ABCB7: variants seen among roughly 807,000 people sequenced by gnomAD.
The protein encoded by ABCB7 is ATP binding cassette subfamily B member 7, also known as iron-sulfur clusters transporter ABCB7, mitochondrial.
Under a neutral mutation model 54.4 loss-of-function variants are expected in ABCB7, and 7 were observed. The observed-to-expected ratio is 0.13, with a 90% CI of 0.07 to 0.24. ABCB7 has a LOEUF of 0.24. ABCB7 is among the 10% of genes least tolerant of loss of function. The pLI, the probability that ABCB7 is intolerant of heterozygous loss-of-function variation, is 1.00. For missense variants in ABCB7, 356 were observed against 570.4 expected (o/e 0.62, Z 3.83); for synonymous variants, 218 against 207.1 (o/e 1.05, Z -0.45).
At chrX:75,093,325 T>C (rs1290116776) in intron 4 of ABCB7, among the ~76,000 whole-genome samples, 2 of 111,624 alleles carry the variant, frequency 1.8e-5, no homozygotes, top group African/African-American at 6.5e-5. Context: ...CTGAAAAAGC[T>C]ACATACCATA....
chrX:75,124,549 A>C (rs754957902), intron 1 of ABCB7, among the ~76,000 whole-genome samples: 2 of 112,210 alleles, frequency 1.8e-5, no homozygotes, highest in South Asian at 7.4e-4. Flanking sequence ...CATTTGCCAA[A>C]ATCAGGGCAA....
intron 4 of ABCB7, 101 bp downstream of exon 4, chrX:75,098,841 G>T: frequency 9.1e-7 from 1 of 1,097,140 alleles, no homozygotes; most frequent in South Asian, 1.9e-5. Flanking sequence ...CTAAAAGTTG[G>T]TCATGCTACC....
At chrX:75,098,807 A>T (rs2081614316) in intron 4 of ABCB7, 135 bp downstream of exon 4, 2 of 758,881 alleles carry the variant, frequency 2.6e-6, no homozygotes, top group Middle Eastern at 3.0e-4. Flanking sequence ...TGCATAAAAT[A>T]ATTATGTAAA....
At position 75,065,012 on chromosome X, in the gene ABCB7, C is replaced by G. The variant is rs1353335511; in HGVS notation, c.1831+58G>C. ...TACATTTTCTAAAAAATGGCTCTGA[C>G]AAATTAGAGTTTGAAAGAAGTATAC... On this transcript the variant is annotated intron_variant, in intron 13 of 15. Coordinates refer to ENST00000373394, the MANE Select transcript of ABCB7 (RefSeq NM_001271696.3). The G allele has an allele frequency of 3.4e-6, 4 of 1,175,610 alleles. 1 individual carries two copies. Among genetic ancestry groups the G allele is most frequent in the Non-Finnish European group, 4.6e-6 (4 of 868,635 alleles).
intron 1 of ABCB7, among the ~76,000 whole-genome samples, chrX:75,149,637 AAAAC>A (rs1446865301): frequency 1.8e-5 from 2 of 111,889 alleles, no homozygotes; most frequent in Non-Finnish European, 3.8e-5. Flanking sequence ...GTGGAAGATA[AAAAC>A]AAAAAGATGA....
chrX:75,121,861 C>T (rs1252579643), intron 1 of ABCB7, among the ~76,000 whole-genome samples: 3 of 111,907 alleles, frequency 2.7e-5, no homozygotes, highest in Non-Finnish European at 5.6e-5. Context: ...GAATGGCCCT[C>T]AACACATTGA....
chrX:75,083,074 TA>T (rs1251078390), intron 4 of ABCB7, among the ~76,000 whole-genome samples: 1 of 111,639 alleles, frequency 9.0e-6, no homozygotes, highest in Non-Finnish European at 1.9e-5. Flanking sequence ...AACCAAAATT[TA>T]AAAAAGAAAA....
intron 1 of ABCB7, among the ~76,000 whole-genome samples, chrX:75,130,603 G>A (rs1449854197): frequency 8.9e-6 from 1 of 111,837 alleles, no homozygotes; most frequent in Non-Finnish European, 1.9e-5. Context: ...CTGAAGGACT[G>A]GCTCAGGGGC....
chrX:75,137,049 A>G (rs1347104427), intron 1 of ABCB7, among the ~76,000 whole-genome samples: 1 of 112,335 alleles, frequency 8.9e-6, no homozygotes, highest in Non-Finnish European at 1.9e-5. Context: ...TAATTACACT[A>G]AAGAGCTGCT....
intron 4 of ABCB7, among the ~76,000 whole-genome samples, chrX:75,096,784 CT>C (rs78958010): frequency 0.015 from 1,537 of 102,680 alleles, 23 homozygotes; most frequent in African/African-American, 0.044. Context: ...TGGAATCCTA[CT>C]TTTTTTTTTT....
intron 1 of ABCB7, among the ~76,000 whole-genome samples, chrX:75,145,060 G>A (rs2082081686): frequency 9.1e-6 from 1 of 110,427 alleles, no homozygotes; most frequent in Admixed American, 9.8e-5. Context: ...TCCCTGAACA[G>A]ACCAATAATG....
chrX:75,103,401 C>T (rs1020853399), intron 3 of ABCB7, among the ~76,000 whole-genome samples: 1 of 110,992 alleles, frequency 9.0e-6, no homozygotes, highest in Non-Finnish European at 1.9e-5. Flanking sequence ...GTTCTTGATG[C>T]CTTTGTCGAA....
At chrX:75,144,043 A>G (rs2082073519) in intron 1 of ABCB7, among the ~76,000 whole-genome samples, 1 of 111,708 alleles carries the variant, frequency 9.0e-6, no homozygotes, top group African/African-American at 3.3e-5. Context: ...TGATACAAGA[A>G]TACTTGGTGA....
At chrX:75,098,623 T>C (rs1390173334) in intron 4 of ABCB7, among the ~76,000 whole-genome samples, 3 of 111,407 alleles carry the variant, frequency 2.7e-5, no homozygotes, top group South Asian at 3.8e-4. Context: ...ACCAAAAATA[T>C]GTATTATTTC....
chrX:75,122,861 G>GGGGTGTGTGTGT (rs1555954494), intron 1 of ABCB7, among the ~76,000 whole-genome samples: 1 of 93,131 alleles, frequency 1.1e-5, no homozygotes, highest in Non-Finnish European at 2.1e-5. Flanking sequence ...TTAAAATTGG[G>GGGGTGTGTGTGT]GTGTGTGTGT....
intron 4 of ABCB7, among the ~76,000 whole-genome samples, chrX:75,088,074 A>G (rs1000816764): frequency 5.4e-5 from 6 of 111,781 alleles, no homozygotes; most frequent in Non-Finnish European, 1.1e-4. Context: ...TGTGAACCTG[A>G]TTCATTAAAA....
At chrX:75,114,874 C>T (rs1457667335) in intron 1 of ABCB7, 43 bp from the exon 2 acceptor site, 1 of 990,472 alleles carries the variant, frequency 1.0e-6, no homozygotes, top group Non-Finnish European at 1.4e-6. Context: ...TCAGAGTGGA[C>T]ACTTAATATT....
intron 1 of ABCB7, among the ~76,000 whole-genome samples, chrX:75,151,946 T>C (rs1038515393): frequency 1.8e-5 from 2 of 111,468 alleles, no homozygotes; most frequent in African/African-American, 6.5e-5. Context: ...TCAAGACCTC[T>C]TAATAGTATT....
intron 4 of ABCB7, among the ~76,000 whole-genome samples, chrX:75,087,263 C>T (rs1427225716): frequency 9.0e-6 from 1 of 111,646 alleles, no homozygotes; most frequent in African/African-American, 3.3e-5. Flanking sequence ...GGCTGAGCCC[C>T]AATTTTGGGG....
Sources: gnomAD v4.1 joint callset for allele counts (sites outside exome capture counted in the v4.1 genomes callset) on GRCh38, gnomAD v4.1.1 for gene constraint, MANE v1.5 for transcripts, NCBI Gene and HGNC (gene_info 2026-07-23, HGNC 2026-07-21) for gene names.